The following KRT37 variants were observed in gnomAD, a reference collection of about 807,000 sequenced individuals.
The protein encoded by KRT37 is keratin, type I cuticular Ha7.
Under a neutral mutation model 41.9 loss-of-function variants are expected in KRT37, and 38 were observed. The ratio of observed to expected loss-of-function variants is 0.91; its 90% CI spans 0.70 to 1.19. The LOEUF is 1.19. Among genes scored for constraint, KRT37 ranks in the 50% most tolerant of loss-of-function variants. The probability of loss-of-function intolerance (pLI) is 0.00; values close to 1 mark genes in which losing one functional copy is unlikely to be tolerated. For synonymous variants in KRT37, 252 were observed against 243.4 expected (o/e 1.04, Z -0.33); for missense variants, 580 against 575.5 (o/e 1.01, Z -0.08).
At chr17:41,421,277 G>T in intron 6 of KRT37, 90 bp downstream of exon 6, 1 of 1,358,484 alleles carries the variant, frequency 7.4e-7, no homozygotes, top group Non-Finnish European at 1.0e-6. Context: ...TGTTTGTTAA[G>T]ATGATATCTT....
rs1249003449 is a variant in KRT37, at chr17:41,420,707, A to G, written c.*171T>C. The G allele has an allele frequency of 8.8e-6, 4 of 453,124 alleles. No individual in the cohort carries two copies. The highest frequency in any genetic ancestry group is 1.6e-5 in the Non-Finnish European group (4 of 256,866). The allele number at this position is 453,124 out of a possible 1,614,324, so 28.1% of individuals were successfully genotyped here. ...AATTACAACATTTTAGCAACAACAA[A>G]AAATACAGCTTAGAGGCATAGGCAG... On this transcript the variant is annotated 3_prime_UTR_variant, in exon 7 of 7. Transcript: ENST00000225550.
At position 41,421,354 on chromosome 17, in the gene KRT37, A is replaced by C. The variant is rs1292742818; in HGVS notation, c.1241+13T>G. ...CATGTGTGTGGCTTAGGAATTGCCC[A>C]GATCACACGTACTTGCAGTCCTCGC... On this transcript the variant is annotated intron_variant, in intron 6 of 6. Coordinates refer to ENST00000225550, the MANE Select transcript of KRT37 (RefSeq NM_003770.5). 1 of 1,613,744 alleles carries C rather than the reference A, an allele frequency of 6.2e-7. No individual in the cohort carries two copies.
chr17:41,423,930 G>A, intron 1 of KRT37, 86 bp from the exon 2 acceptor site: 2 of 1,605,038 alleles, frequency 1.2e-6, no homozygotes, highest in Admixed American at 3.4e-5. Context: ...TCATGTCCAA[G>A]AGAAACCAAG....
At chr17:41,423,607 C>A (rs1452627339) in intron 2 of KRT37, 155 bp downstream of exon 2, 3 of 643,274 alleles carry the variant, frequency 4.7e-6, no homozygotes, top group Non-Finnish European at 8.0e-6. Context: ...ATATAATGAC[C>A]ATTTCTAGCA....
Position 41,424,076 on chromosome 17 carries a change from C to G in KRT37, c.448G>C (p.Asp150His). 3 of 1,614,162 alleles carry G rather than the reference C, an allele frequency of 1.9e-6. No homozygotes were observed. Among genetic ancestry groups the G allele is most frequent in the Non-Finnish European group, 2.5e-6 (3 of 1,180,032 alleles). ...SKCHESTVCPDYQSYFRTIEE... is the reference protein window; with the variant it reads ...SKCHESTVCPHYQSYFRTIEE... The stretch of plus-strand genomic sequence containing the variant: ...ATTGTACGGAAGTAGGACTGGTAGT[C>G]GGGGCACACGGTGGACTCGTGGCAC... The change falls in exon 1 of 7, where the codon GAC (aspartate) becomes CAC (histidine). Residue 150 changes from aspartate (D) to histidine (H), a missense_variant. Asp to His is a moderately conservative substitution (Grantham distance 81). Transcript: ENST00000225550.
intron 2 of KRT37, 92 bp downstream of exon 2, chr17:41,423,670 T>G: frequency 8.4e-7 from 1 of 1,193,980 alleles, no homozygotes. Context: ...AAAACTGTTT[T>G]TGAACACCTA....
At chr17:41,423,868 C>T in intron 1 of KRT37, 24 bp from the exon 2 acceptor site, 6 of 1,613,458 alleles carry the variant, frequency 3.7e-6, no homozygotes, top group Non-Finnish European at 5.1e-6. Flanking sequence ...AAAGACGGTT[C>T]ACACACAAAG....
rs150463302 is a variant in KRT37, at chr17:41,420,919, C to G, written c.1309G>C (p.Gly437Arg). ...TSCPSCGPVT[G>R]GSPSGHGASM... ...GCTCCATGGCCAGAGGGAGACCCAC[C>G]GGTGACAGGGCCACAGCTTGGACAA... Residue 437 changes from glycine to arginine, a missense_variant, in exon 7 of 7, where the codon GGT (glycine) becomes CGT (arginine). Physicochemically the swap from Gly to Arg is moderately radical, Grantham distance 125. Transcript: ENST00000225550. The G allele has an allele frequency of 2.1e-4, 346 of 1,613,988 alleles. 1 individual carries two copies. Among genetic ancestry groups the G allele is most frequent in the Middle Eastern group, 1.6e-3 (10 of 6,062 alleles).
At chr17:41,422,708 G>T in intron 3 of KRT37, 70 bp downstream of exon 3, 1 of 1,392,490 alleles carries the variant, frequency 7.2e-7, no homozygotes, top group South Asian at 1.5e-5. Flanking sequence ...TGCTCTGAGA[G>T]CCCCAGGGCC....
In KRT37 at chr17:41,422,952, A is replaced by G; in HGVS notation, c.576-18T>C. The G allele has an allele frequency of 6.2e-7, 1 of 1,606,758 alleles. No homozygotes were observed. The highest frequency in any genetic ancestry group is 8.5e-7 in the Non-Finnish European group (1 of 1,175,754). On this transcript the variant is annotated intron_variant, in intron 2 of 6. Transcript: ENST00000225550. ...TCTCCAGCCTTCCGTCACAGGAGGCACAGGGTCAAAAAGAATGCCCCAATA... is the reference window on the plus strand; with the variant it reads ...TCTCCAGCCTTCCGTCACAGGAGGCGCAGGGTCAAAAAGAATGCCCCAATA...
At chr17:41,423,980 G>A (rs374526184) in intron 1 of KRT37, 52 bp downstream of exon 1, 175 of 1,602,300 alleles carry the variant, frequency 1.1e-4, no homozygotes, top group Admixed American at 1.9e-4. Flanking sequence ...TTCCTCCTGC[G>A]AAGGCTTCTG....
chr17:41,422,160 G>A lies in KRT37; in HGVS notation c.929C>T (p.Ser310Phe). The A allele has an allele frequency of 6.2e-7, 1 of 1,614,154 alleles. No homozygotes were observed. The highest frequency in any genetic ancestry group is 8.5e-7 in the Non-Finnish European group (1 of 1,180,032). ...EGISLQAMSC[S>F]EELQCCQSEI... ...CGACTGGCAGCACTGCAGCTCCTCGGAGCAGGACATGGCCTGCAGGCTGAT... is the reference window on the plus strand; with the variant it reads ...CGACTGGCAGCACTGCAGCTCCTCGAAGCAGGACATGGCCTGCAGGCTGAT... Residue 310 changes from serine to phenylalanine, a missense_variant, in exon 5 of 7, where the codon TCC becomes TTC. Transcript: ENST00000225550.
Position 41,421,348 on chromosome 17 carries a change from T to A in KRT37, c.1241+19A>T. ...GACAGTCATGTGTGTGGCTTAGGAA[T>A]TGCCCAGATCACACGTACTTGCAGT... On this transcript the variant is annotated intron_variant, in intron 6 of 6. Transcript: ENST00000225550. The A allele has an allele frequency of 1.2e-6, 2 of 1,612,598 alleles. No homozygotes were observed. The highest frequency in any genetic ancestry group is 1.7e-6 in the Non-Finnish European group (2 of 1,178,610).
At chr17:41,422,498 C>G (rs1265065997) in intron 3 of KRT37, 64 bp from the exon 4 acceptor site, 1 of 1,584,428 alleles carries the variant, frequency 6.3e-7, no homozygotes, top group Non-Finnish European at 8.6e-7. Context: ...GCAGACAGCA[C>G]CAGGACTCCG....
Position 41,422,126 on chromosome 17 carries a change from C to T in KRT37, c.963G>A (p.Leu321=). 6.2e-7 allele frequency: 1 copy of T among 1,614,224 alleles called. No individual in the cohort carries two copies. Among genetic ancestry groups the T allele is most frequent in the Non-Finnish European group, 8.5e-7 (1 of 1,180,034 alleles). Residue 321 remains leucine, a synonymous_variant, in exon 5 of 7, where the codon CTG becomes CTA. Coordinates refer to ENST00000225550, the MANE Select transcript of KRT37 (RefSeq NM_003770.5). The part of the protein sequence containing the change: ...EELQCCQSEI[L]ELRCTVNALE... ...GGGCATTCACCGTGCATCTCAGCTC[C>T]AGGATCTCCGACTGGCAGCACTGCA...
chr17:41,421,813 G>A (rs2018543120), intron 5 of KRT37, among the ~76,000 whole-genome samples: 1 of 152,176 alleles, frequency 6.6e-6, no homozygotes, highest in South Asian at 2.1e-4. Context: ...TTGACAAAAA[G>A]CAGGCACCTC....
chr17:41,421,247 C>T (rs2018535054), intron 6 of KRT37, 120 bp downstream of exon 6: 1 of 1,086,484 alleles, frequency 9.2e-7, no homozygotes, highest in Non-Finnish European at 1.4e-6. Flanking sequence ...AGTCACTGAG[C>T]AAGAGAGCAC....
rs371337704 is a variant in KRT37 at position 41,420,994 on chromosome 17, G to T, written c.1242-8C>A. ...CAGGGATTGCAGGGGAGTCTGCAGG[G>T]AGAGAAAGAAGAGTTACATTAAAAA... On this transcript the variant is annotated splice_polypyrimidine_tract_variant and splice_region_variant and intron_variant, in intron 6 of 6. Coordinates refer to ENST00000225550, the MANE Select transcript of KRT37 (RefSeq NM_003770.5). 5.6e-5 allele frequency: 90 copies of T among 1,594,308 alleles called. No homozygotes were observed. In the African/African-American group the frequency reaches 1.1e-3, roughly 20 times the overall value.
chr17:41,420,915 C>G lies in KRT37; in HGVS notation c.1313G>C (p.Gly438Ala). 1 of 1,613,962 alleles carries G rather than the reference C, an allele frequency of 6.2e-7. No homozygotes were observed. The highest frequency in any genetic ancestry group is 8.5e-7 in the Non-Finnish European group (1 of 1,179,958). ...SCPSCGPVTG[G>A]SPSGHGASMG... ...GCTGGCTCCATGGCCAGAGGGAGAC[C>G]CACCGGTGACAGGGCCACAGCTTGG... The change falls in exon 7 of 7, where the codon GGG becomes GCG. Residue 438 changes from glycine (G) to alanine (A), a missense_variant. Gly to Ala is a moderately conservative substitution (Grantham distance 60, BLOSUM62 0). Transcript: ENST00000225550.
Sources: gnomAD v4.1 joint callset for allele counts (sites outside exome capture counted in the v4.1 genomes callset) on GRCh38, gnomAD v4.1.1 for gene constraint, MANE v1.5 for transcripts, NCBI Gene and HGNC (gene_info 2026-07-23, HGNC 2026-07-21) for gene names.